Variants in INSR observed in about 807,000 individuals in gnomAD.
The protein encoded by INSR is IR.
In INSR, 67 loss-of-function variants were observed where a neutral mutation model predicts 142.6. The ratio of observed to expected loss-of-function variants is 0.47; its 90% CI spans 0.39 to 0.58. The LOEUF (loss-of-function observed/expected upper bound fraction) is 0.58, where lower values mean the gene tolerates loss of function less well. Ranked by LOEUF, INSR falls within the 20% of genes least tolerant of loss-of-function variation. The pLI is 0.00. For synonymous variants in INSR, 756 were observed against 743.1 expected (o/e 1.02, Z -0.28); for missense variants, 1,248 against 1,833.2 (o/e 0.68, Z 5.83).
Position 7,170,766 on chromosome 19 carries a change from C to T in INSR, c.1269-15G>A. The stretch of plus-strand genomic sequence containing the variant: ...AGGAGTAGTTCCTATGGAAAAAACA[C>T]ACACATCTAGTCATTCAACGGCTGG... On this transcript the variant is annotated splice_polypyrimidine_tract_variant and intron_variant, in intron 5 of 21. Transcript: ENST00000302850. The T allele has an allele frequency of 1.9e-6, 3 of 1,590,468 alleles. No homozygotes were observed. Among genetic ancestry groups the T allele is most frequent in the Non-Finnish European group, 2.6e-6 (3 of 1,158,392 alleles).
intron 13 of INSR, among the ~76,000 whole-genome samples, chr19:7,137,510 A>G (rs552044500): frequency 6.6e-6 from 1 of 152,100 alleles, no homozygotes; most frequent in Non-Finnish European, 1.5e-5. Flanking sequence ...GACCCAGGCT[A>G]GGCATGGTGG....
intron 2 of INSR, among the ~76,000 whole-genome samples, chr19:7,186,704 T>A (rs938532589): frequency 3.3e-5 from 5 of 152,264 alleles, no homozygotes; most frequent in South Asian, 2.1e-4. Context: ...TCTTTTCTTT[T>A]TTTTTATTTT....
intron 1 of INSR, among the ~76,000 whole-genome samples, chr19:7,278,468 A>G (rs371150597): frequency 1.3e-5 from 2 of 152,210 alleles, no homozygotes; most frequent in East Asian, 3.8e-4. Flanking sequence ...TAAGGCAGCA[A>G]TTTCAAAAGG....
At chr19:7,250,183 G>GGGAAA (rs943050815) in intron 2 of INSR, among the ~76,000 whole-genome samples, 2 of 148,130 alleles carry the variant, frequency 1.4e-5, no homozygotes, top group African/African-American at 2.5e-5. Context: ...AGAAAAGAGA[G>GGGAAA]GGAAAGGAAA....
At chr19:7,153,052 CCCACA>C (rs1973435514) in intron 9 of INSR, 125 bp from the exon 10 acceptor site, 1 of 377,288 alleles carries the variant, frequency 2.7e-6, no homozygotes, top group East Asian at 4.1e-5. Context: ...CACACACCCC[CCCACA>C]CACACACACC....
At chr19:7,222,647 C>G (rs1018105625) in intron 2 of INSR, among the ~76,000 whole-genome samples, 12 of 152,196 alleles carry the variant, frequency 7.9e-5, no homozygotes, top group African/African-American at 2.9e-4. Context: ...CCCACCTCGG[C>G]CTCCCAAAGT....
chr19:7,280,304 T>C (rs1304619770), intron 1 of INSR, among the ~76,000 whole-genome samples: 2 of 150,588 alleles, frequency 1.3e-5, no homozygotes, highest in African/African-American at 4.9e-5. Context: ...AAAGGCTGGG[T>C]GCGGTTGCTC....
At chr19:7,231,851 A>G (rs945897898) in intron 2 of INSR, among the ~76,000 whole-genome samples, 1 of 151,518 alleles carries the variant, frequency 6.6e-6, no homozygotes, top group Non-Finnish European at 1.5e-5. Context: ...AGCTCAAGCA[A>G]TTCTCCCACC....
At chr19:7,244,755 T>G (rs1430210797) in intron 2 of INSR, among the ~76,000 whole-genome samples, 1 of 152,156 alleles carries the variant, frequency 6.6e-6, no homozygotes, top group African/African-American at 2.4e-5. Flanking sequence ...AGAACCGTTT[T>G]ATATTTTCTC....
chr19:7,198,001 A>C (rs1334888901), intron 2 of INSR, among the ~76,000 whole-genome samples: 1 of 124,748 alleles, frequency 8.0e-6, no homozygotes, highest in Admixed American at 8.2e-5. Flanking sequence ...GTGTGTGTCC[A>C]TGGTGGGCGA....
chr19:7,125,160 A>T lies in INSR; in HGVS notation c.3258+123T>A. The stretch of plus-strand genomic sequence containing the variant: ...CTCACACCTCTAGGATGGGAAGCTT[A>T]GTGGAGTGAGGGGTGGGTAGGAGGT... On this transcript the variant is annotated intron_variant, in intron 17 of 21. Coordinates refer to ENST00000302850, the MANE Select transcript of INSR (RefSeq NM_000208.4). The surrounding 1 kb of genome is among the most constrained non-coding windows in gnomAD (Gnocchi z 4.9). The T allele has an allele frequency of 8.7e-7, 1 of 1,154,814 alleles. No individual in the cohort carries two copies. The highest frequency in any genetic ancestry group is 1.3e-6 in the Non-Finnish European group (1 of 788,080). The allele number at this position is 1,154,814 out of a possible 1,614,324, so 71.5% of individuals were successfully genotyped here.
chr19:7,244,300 A>C (rs1016006132), intron 2 of INSR, among the ~76,000 whole-genome samples: 6 of 152,204 alleles, frequency 3.9e-5, no homozygotes, highest in African/African-American at 1.4e-4. Flanking sequence ...TGGGAGGCCG[A>C]AGTGGGCAGA....
intron 2 of INSR, among the ~76,000 whole-genome samples, chr19:7,264,075 A>G (rs1977147038): frequency 6.6e-6 from 1 of 152,024 alleles, no homozygotes; most frequent in Non-Finnish European, 1.5e-5. Flanking sequence ...AGGCTGAGGC[A>G]GGAGAATCGC....
chr19:7,200,359 C>T (rs925096005), intron 2 of INSR, among the ~76,000 whole-genome samples: 8 of 151,960 alleles, frequency 5.3e-5, no homozygotes, highest in East Asian at 1.9e-4. Flanking sequence ...ATACAACTCA[C>T]GAGAGAAACA....
intron 1 of INSR, among the ~76,000 whole-genome samples, chr19:7,270,343 A>T (rs200715531): frequency 0.21 from 21,474 of 102,594 alleles, 1,602 homozygotes; most frequent in East Asian, 0.32. Flanking sequence ...TCTCTCTCAC[A>T]CACACACACA....
At chr19:7,222,183 G>A (rs1975642988) in intron 2 of INSR, among the ~76,000 whole-genome samples, 1 of 149,884 alleles carries the variant, frequency 6.7e-6, no homozygotes, top group Non-Finnish European at 1.5e-5. Flanking sequence ...TAGCATTAAC[G>A]GGGAAGGAAA....
At chr19:7,273,489 A>C (rs914180669) in intron 1 of INSR, among the ~76,000 whole-genome samples, 1 of 151,818 alleles carries the variant, frequency 6.6e-6, no homozygotes, top group Non-Finnish European at 1.5e-5. Context: ...GAGGGTGCTA[A>C]GTGACAGCTA....
Position 7,122,678 on chromosome 19 carries a change from A to G in INSR, c.3465T>C (p.Phe1155=), listed in dbSNP as rs573108033. The G allele has an allele frequency of 1.5e-5, 25 of 1,614,180 alleles. No homozygotes were observed. In the South Asian group the frequency reaches 2.5e-4, roughly 16 times the overall value. Residue 1155 remains phenylalanine (F), a synonymous_variant, in exon 19 of 22, where the codon TTT becomes TTC. Coordinates refer to ENST00000302850, the MANE Select transcript of INSR (RefSeq NM_000208.4). ...DGMAYLNAKK[F]VHRDLAARNC... Reference sequence around the variant, plus strand: ...TTCTCGCTGCCAGGTCCCGATGCACAAACTTCTTGGCGTTCAGGTAGGCCA... The same window carrying G: ...TTCTCGCTGCCAGGTCCCGATGCACGAACTTCTTGGCGTTCAGGTAGGCCA...
At chr19:7,140,773 C>CCTTTTTTT (rs1973050741) in intron 13 of INSR, among the ~76,000 whole-genome samples, 3 of 139,482 alleles carry the variant, frequency 2.2e-5, no homozygotes, top group African/African-American at 7.9e-5. Flanking sequence ...ATTAACGGCC[C>CCTTTTTTT]TTTTTTTTTT....
Sources: gnomAD v4.1 joint callset for allele counts (sites outside exome capture counted in the v4.1 genomes callset) on GRCh38, gnomAD v4.1.1 for gene constraint, Gnocchi (gnomAD v3.1) non-coding constraint, MANE v1.5 for transcripts, NCBI Gene and HGNC (gene_info 2026-07-23, HGNC 2026-07-21) for gene names.